EPB41L3: variants seen among roughly 807,000 people sequenced by gnomAD.
The protein encoded by EPB41L3 is band 4.1-like protein 3.
In EPB41L3, 57 loss-of-function variants were observed where a neutral mutation model predicts 127.1. The ratio of observed to expected loss-of-function variants is 0.45; its 90% CI spans 0.36 to 0.56. EPB41L3 has a LOEUF of 0.56. EPB41L3 is among the 20% of genes least tolerant of loss of function. EPB41L3 has a pLI of 0.00. For synonymous variants in EPB41L3, 572 were observed against 549.5 expected (o/e 1.04, Z -0.57); for missense variants, 1,273 against 1,372.2 (o/e 0.93, Z 1.14).
rs764308076 is a variant in EPB41L3 at position 5,424,229 on chromosome 18, C to T, written c.1163+33G>A. The T allele has an allele frequency of 4.9e-6, 7 of 1,436,266 alleles. No homozygotes were observed. In the Admixed American group the frequency reaches 9.0e-5, roughly 19 times the overall value. The allele number at this position is 1,436,266 out of a possible 1,614,324, so 89.0% of individuals were successfully genotyped here. ...TTCAGTATAAGTGATTATAATTATT[C>T]CTTAGGGAAAAAACAAAATAATCTC... On this transcript the variant is annotated intron_variant, in intron 10 of 22. Transcript: ENST00000341928.
chr18:5,501,095 C>T (rs2091705064), intron 1 of EPB41L3, among the ~76,000 whole-genome samples: 1 of 152,010 alleles, frequency 6.6e-6, no homozygotes, highest in Non-Finnish European at 1.5e-5. Context: ...TGAAGACTCA[C>T]ACAGCATGAA....
At chr18:5,526,818 A>G (rs2093238302) in intron 1 of EPB41L3, among the ~76,000 whole-genome samples, 1 of 152,206 alleles carries the variant, frequency 6.6e-6, no homozygotes, top group African/African-American at 2.4e-5. Context: ...CAAATGAAAA[A>G]TTATCATTCG....
Position 5,415,850 on chromosome 18 carries a change from C to A in EPB41L3, c.2035G>T (p.Asp679Tyr). 6.2e-7 allele frequency: 1 copy of A among 1,613,190 alleles called. No individual in the cohort carries two copies. The highest frequency in any genetic ancestry group is 1.1e-5 in the South Asian group (1 of 91,040). Reference sequence around the variant, plus strand: ...TCTGAACTGTCACTCGGGTCATTGTCTAGGGAGGCGCTCAAGGAGGCCGCC... The same window carrying A: ...TCTGAACTGTCACTCGGGTCATTGTATAGGGAGGCGCTCAAGGAGGCCGCC... The part of the protein sequence containing the change: ...PKAASLSASL[D>Y]NDPSDSSEEE... The change falls in exon 13 of 23, where the codon GAC becomes TAC. Residue 679 changes from aspartate (D) to tyrosine (Y), a missense_variant. Transcript: ENST00000341928.
At chr18:5,441,357 T>C (rs2080696314) in intron 5 of EPB41L3, among the ~76,000 whole-genome samples, 1 of 152,184 alleles carries the variant, frequency 6.6e-6, no homozygotes, top group Non-Finnish European at 1.5e-5. Flanking sequence ...TTACATTAGA[T>C]AAGGTAATAC....
At chr18:5,432,658 G>C (rs1460907784) in intron 8 of EPB41L3, among the ~76,000 whole-genome samples, 1 of 152,110 alleles carries the variant, frequency 6.6e-6, no homozygotes, top group Non-Finnish European at 1.5e-5. Flanking sequence ...CTACTGAAAA[G>C]TACGAAGATT....
At chr18:5,615,169 CA>C (rs1167604680) in intron 1 of EPB41L3, among the ~76,000 whole-genome samples, 1 of 151,846 alleles carries the variant, frequency 6.6e-6, no homozygotes, top group African/African-American at 2.4e-5. Context: ...AAAAAAAGCA[CA>C]AAATTGAAAT....
At chr18:5,625,221 C>T (rs1012878809) in intron 1 of EPB41L3, among the ~76,000 whole-genome samples, 3 of 151,924 alleles carry the variant, frequency 2.0e-5, no homozygotes, top group Non-Finnish European at 2.9e-5. Context: ...AAGAACTGAA[C>T]TGGAAGCAGA....
At chr18:5,505,719 C>G (rs2092119536) in intron 1 of EPB41L3, among the ~76,000 whole-genome samples, 2 of 142,782 alleles carry the variant, frequency 1.4e-5, no homozygotes, top group Admixed American at 1.4e-4. Flanking sequence ...ACACCTTCAC[C>G]TCCACCCCTA....
At chr18:5,576,751 T>C (rs2094340170) in intron 3 of EPB41L3, among the ~76,000 whole-genome samples, 1 of 152,202 alleles carries the variant, frequency 6.6e-6, no homozygotes. Flanking sequence ...TGGCCAGTTG[T>C]TTTTACAATT....
intron 2 of EPB41L3, chr18:5,480,058 T>C (rs940053213): frequency 1.3e-5 from 2 of 151,770 alleles, no homozygotes; most frequent in Non-Finnish European, 3.0e-5. Flanking sequence ...TACATTTTTA[T>C]TTAAATTTTA....
chr18:5,595,138 C>T (rs190014253), intron 3 of EPB41L3, among the ~76,000 whole-genome samples: 69 of 152,296 alleles, frequency 4.5e-4, no homozygotes, highest in African/African-American at 1.6e-3. Context: ...ATGGTTATAA[C>T]TTGCTCTGTA....
At chr18:5,401,871 C>T (rs986357916) in intron 16 of EPB41L3, among the ~76,000 whole-genome samples, 5 of 152,056 alleles carry the variant, frequency 3.3e-5, no homozygotes, top group African/African-American at 1.2e-4. Flanking sequence ...CTTCACAGAG[C>T]AGGGACAGAA....
At chr18:5,494,994 T>C (rs923778021) in intron 1 of EPB41L3, among the ~76,000 whole-genome samples, 14 of 152,154 alleles carry the variant, frequency 9.2e-5, no homozygotes, top group African/African-American at 2.9e-4. Flanking sequence ...AGCTCAAAGC[T>C]AGGCCAAACT....
At chr18:5,546,970 C>T (rs2065232865), upstream of EPB41L3, among the ~76,000 whole-genome samples, 1 of 152,144 alleles carries the variant, frequency 6.6e-6, no homozygotes, top group African/African-American at 2.4e-5. Flanking sequence ...GATTCGGCTT[C>T]CTCATGTATA....
At chr18:5,463,931 C>G (rs1169408894) in intron 3 of EPB41L3, 1 of 152,104 alleles carries the variant, frequency 6.6e-6, no homozygotes, top group East Asian at 1.9e-4. Flanking sequence ...AAGAGAAAAC[C>G]AATATACCAA....
At chr18:5,488,146 A>T (rs1264259329) in intron 2 of EPB41L3, among the ~76,000 whole-genome samples, 2 of 152,218 alleles carry the variant, frequency 1.3e-5, no homozygotes, top group East Asian at 3.8e-4. Flanking sequence ...CTACTCAAAC[A>T]TGTACAGGGA....
intron 3 of EPB41L3, among the ~76,000 whole-genome samples, chr18:5,609,688 A>G (rs954677688): frequency 3.9e-5 from 6 of 152,348 alleles, no homozygotes; most frequent in Admixed American, 6.5e-5. Context: ...ATTAGAAACA[A>G]TTTCAGTATC....
At chr18:5,395,006 T>G in intron 21 of EPB41L3, 61 bp downstream of exon 21, 1 of 1,519,346 alleles carries the variant, frequency 6.6e-7, no homozygotes, top group South Asian at 1.1e-5. Context: ...ATTGAAACTG[T>G]AGGACCAACA....
upstream of EPB41L3, chr18:5,544,407 T>TA: frequency 1.3e-6 from 1 of 772,678 alleles, no homozygotes; most frequent in Non-Finnish European, 1.6e-6. Flanking sequence ...GGGACTGCAG[T>TA]ATTTTTTTTT....
Sources: gnomAD v4.1 joint callset for allele counts (sites outside exome capture counted in the v4.1 genomes callset) on GRCh38, gnomAD v4.1.1 for gene constraint, MANE v1.5 for transcripts, NCBI Gene and HGNC (gene_info 2026-07-23, HGNC 2026-07-21) for gene names.